Variants in CYP26B1 observed in about 807,000 individuals in gnomAD.
CYP26B1 encodes the protein cytochrome P450 26B1.
CYP26B1 carries 8 observed loss-of-function variants against 39.1 expected under a neutral mutation model. The ratio of observed to expected loss-of-function variants is 0.20; its 90% CI spans 0.12 to 0.37. The LOEUF (loss-of-function observed/expected upper bound fraction) is 0.37, where lower values mean the gene tolerates loss of function less well. CYP26B1 is among the 10% of genes least tolerant of loss of function. The probability of loss-of-function intolerance (pLI) is 1.00; values close to 1 mark genes in which losing one functional copy is unlikely to be tolerated. For synonymous variants in CYP26B1, 321 were observed against 314.3 expected (o/e 1.02, Z -0.23); for missense variants, 615 against 707.0 (o/e 0.87, Z 1.48).
chr2:72,145,379 G>A (rs1677093742), intron 1 of CYP26B1, among the ~76,000 whole-genome samples: 2 of 152,230 alleles, frequency 1.3e-5, no homozygotes, highest in Admixed American at 1.3e-4. Context: ...GGCGCGCGAC[G>A]GGGAACGAGC....
intron 2 of CYP26B1, among the ~76,000 whole-genome samples, chr2:72,141,309 G>A (rs1374946104): frequency 2.0e-5 from 3 of 152,144 alleles, no homozygotes; most frequent in African/African-American, 7.2e-5. Flanking sequence ...CTGTTAGACT[G>A]GGCAAGACTT....
chr2:72,139,926 A>G (rs369194903), intron 2 of CYP26B1, among the ~76,000 whole-genome samples: 10 of 142,398 alleles, frequency 7.0e-5, no homozygotes, highest in African/African-American at 2.6e-4. Flanking sequence ...GGTGAAGTCC[A>G]CTCTGAGGGT....
At chr2:72,141,185 C>T (rs546235870) in intron 2 of CYP26B1, among the ~76,000 whole-genome samples, 74 of 152,312 alleles carry the variant, frequency 4.9e-4, no homozygotes, top group African/African-American at 1.6e-3. Context: ...TGGGGTCCCT[C>T]CCCCATCCAT....
chr2:72,141,629 G>T, intron 2 of CYP26B1, among the ~76,000 whole-genome samples: 1 of 152,186 alleles, frequency 6.6e-6, no homozygotes, highest in East Asian at 1.9e-4. Context: ...AGGTGTGCAT[G>T]GCACACAGCA....
chr2:72,141,312 C>T (rs1676936651), intron 2 of CYP26B1, among the ~76,000 whole-genome samples: 1 of 152,172 alleles, frequency 6.6e-6, no homozygotes, highest in South Asian at 2.1e-4. Context: ...TTAGACTGGG[C>T]AAGACTTTCT....
rs544199141 is a variant in CYP26B1, at chr2:72,130,607, T to C, written c.*1620A>G. ...TCGATTTTCTTGTAAAGGGGATTCA[T>C]TGCTTTTACAACATCAAAAACCAAT... On this transcript the variant is annotated 3_prime_UTR_variant, in exon 6 of 6. Transcript: ENST00000001146. 1 of 152,298 alleles carries C rather than the reference T, an allele frequency of 6.6e-6. No homozygotes were observed. Among genetic ancestry groups the C allele is most frequent in the South Asian group, 2.1e-4 (1 of 4,814 alleles). 9.4% of individuals were successfully genotyped at this position (152,298 alleles called of 1,614,324 possible).
rs933266379 is a variant in CYP26B1 at position 72,129,250 on chromosome 2, G to A, written c.*2977C>T. The A allele has an allele frequency of 2.6e-5, 4 of 152,274 alleles. No individual in the cohort carries two copies. Among genetic ancestry groups the A allele is most frequent in the Admixed American group, 6.5e-5 (1 of 15,272 alleles). The allele number at this position is 152,274 out of a possible 1,614,324, so 9.4% of individuals were successfully genotyped here. Reference sequence around the variant, plus strand: ...AACGGAGACAAGGGCGGGTCCCCACGGTTTATTCTAGAAGCCTATAGAAGA... The same window carrying A: ...AACGGAGACAAGGGCGGGTCCCCACAGTTTATTCTAGAAGCCTATAGAAGA... On this transcript the variant is annotated 3_prime_UTR_variant, in exon 6 of 6. Coordinates refer to ENST00000001146, the MANE Select transcript of CYP26B1 (RefSeq NM_019885.4).
At chr2:72,137,525 TGGGCCATAGTGGCCAGGAG>T (rs933367882) in intron 2 of CYP26B1, among the ~76,000 whole-genome samples, 5 of 10,456 alleles carry the variant, frequency 4.8e-4, no homozygotes, top group African/African-American at 1.9e-3. Context: ...ACACCCCACG[TGGGCCATAGTGGCCAGGAG>T]GGGCCATCCC....
Position 72,135,439 on chromosome 2 carries a change from G to A in CYP26B1, c.430-20C>T. 6.2e-7 allele frequency: 1 copy of A among 1,605,118 alleles called. No homozygotes were observed. ...GAAGACCTGGAAGGCAGAGAGGCAA[G>A]TGGGTGAGCCGATTGGCACAGCCCA... On this transcript the variant is annotated intron_variant, in intron 2 of 5. Coordinates refer to ENST00000001146, the MANE Select transcript of CYP26B1 (RefSeq NM_019885.4).
intron 2 of CYP26B1, among the ~76,000 whole-genome samples, chr2:72,141,006 A>G (rs1676927212): frequency 6.6e-6 from 1 of 152,212 alleles, no homozygotes; most frequent in South Asian, 2.1e-4. Context: ...TCCAAAGGAA[A>G]ATAGGAGAGG....
At chr2:72,132,785 T>G (rs1676631789) in intron 5 of CYP26B1, among the ~76,000 whole-genome samples, 166 bp from the exon 6 acceptor site, 1 of 152,216 alleles carries the variant, frequency 6.6e-6, no homozygotes, top group South Asian at 2.1e-4. Context: ...CCATTCAGCA[T>G]GTTAGTCCAA....
Position 72,135,213 on chromosome 2 carries a change from C to T in CYP26B1, c.636G>A (p.Glu212=), listed in dbSNP as rs766871295. Residue 212 remains glutamate, a synonymous_variant, in exon 3 of 6, where the codon GAG becomes GAA. Transcript: ENST00000001146. ...CATTGTCCACAAACTGCTGGTAGACCTCAAAGAGGTGCCCAAGGTCCTCCT... is the reference window on the plus strand; with the variant it reads ...CATTGTCCACAAACTGCTGGTAGACTTCAAAGAGGTGCCCAAGGTCCTCCT... The part of the protein sequence containing the change: ...IPEEDLGHLF[E]VYQQFVDNVF... 5 of 1,613,920 alleles carry T rather than the reference C, an allele frequency of 3.1e-6. No individual in the cohort carries two copies. Among genetic ancestry groups the T allele is most frequent in the African/African-American group, 1.3e-5 (1 of 74,906 alleles).
intron 2 of CYP26B1, among the ~76,000 whole-genome samples, chr2:72,138,399 A>T (rs1456348789): frequency 6.6e-6 from 1 of 151,912 alleles, no homozygotes; most frequent in Non-Finnish European, 1.5e-5. Context: ...TGAGGCCATC[A>T]CCTGCTGGGG....
intron 1 of CYP26B1, 74 bp from the exon 2 acceptor site, chr2:72,144,287 C>A (rs751736113): frequency 1.3e-6 from 2 of 1,546,150 alleles, no homozygotes; most frequent in Non-Finnish European, 1.8e-6. Flanking sequence ...GCGGCGGACC[C>A]CAACCCGGGG....
chr2:72,135,452 T>A (rs774384287), intron 2 of CYP26B1, 33 bp from the exon 3 acceptor site: 14 of 1,602,612 alleles, frequency 8.7e-6, no homozygotes, highest in Non-Finnish European at 1.0e-5. Flanking sequence ...GGTGAGCCGA[T>A]TGGCACAGCC....
chr2:72,141,535 G>A (rs1446303454), intron 2 of CYP26B1, among the ~76,000 whole-genome samples: 1 of 152,174 alleles, frequency 6.6e-6, no homozygotes, highest in East Asian at 1.9e-4. Context: ...CCCACTTCCT[G>A]CACGTACCTC....
chr2:72,144,272 G>A, intron 1 of CYP26B1, 59 bp from the exon 2 acceptor site: 1 of 1,552,774 alleles, frequency 6.4e-7, no homozygotes, highest in Non-Finnish European at 8.7e-7. Flanking sequence ...GCCCGCGAGG[G>A]AGGGGCGGCG....
chr2:72,134,594 GAC>G (rs1221538470), intron 4 of CYP26B1, among the ~76,000 whole-genome samples, 165 bp downstream of exon 4: 1 of 152,206 alleles, frequency 6.6e-6, no homozygotes, highest in Non-Finnish European at 1.5e-5. Flanking sequence ...CAGGGGTGGG[GAC>G]ACAGACTTCG....
At position 72,133,304 on chromosome 2, in the gene CYP26B1, C is replaced by T. The variant is rs746004639; in HGVS notation, c.865G>A (p.Gly289Arg). 5 of 1,603,500 alleles carry T rather than the reference C, an allele frequency of 3.1e-6. No individual in the cohort carries two copies. Among genetic ancestry groups the T allele is most frequent in the African/African-American group, 1.3e-5 (1 of 74,946 alleles). ...KEMTMQELKD[G>R]TLELIFAAYA... Reference sequence around the variant, plus strand: ...GCCGCAAAGATCAGCTCCAGGGTCCCGTCCTGCAGGGCACAGAGGAGAGGT... The same window carrying T: ...GCCGCAAAGATCAGCTCCAGGGTCCTGTCCTGCAGGGCACAGAGGAGAGGT... The change falls in exon 5 of 6, where the codon GGG (glycine) becomes AGG (arginine). Residue 289 changes from glycine (G) to arginine (R), a missense_variant. By Grantham distance (125) the Gly-to-Arg change is moderately radical. Coordinates refer to ENST00000001146, the MANE Select transcript of CYP26B1 (RefSeq NM_019885.4).
Sources: allele counts gnomAD v4.1 joint callset (sites outside exome capture counted in the v4.1 genomes callset), GRCh38; gene constraint gnomAD v4.1.1; transcripts MANE v1.5; gene names NCBI Gene and HGNC (gene_info 2026-07-23, HGNC 2026-07-21).